The following ZBED1 variants were observed in gnomAD, a reference collection of about 807,000 sequenced individuals.
The protein encoded by ZBED1 is E3 SUMO-protein ligase ZBED1.
Under a neutral mutation model 49.7 loss-of-function variants are expected in ZBED1, and 19 were observed. The observed-to-expected ratio is 0.38, with a 90% CI of 0.27 to 0.56. The LOEUF (loss-of-function observed/expected upper bound fraction) is 0.56. Among genes scored for constraint, ZBED1 ranks in the 20% least tolerant of loss-of-function variants. The probability of loss-of-function intolerance (pLI) is 0.70; values close to 1 mark genes in which losing one functional copy is unlikely to be tolerated. For synonymous variants in ZBED1, 439 were observed against 440.3 expected (o/e 1.00, Z 0.04); for missense variants, 806 against 972.6 (o/e 0.83, Z 2.28).
chrX:2,497,138 G>C (rs530291393), intron 1 of ZBED1, among the ~76,000 whole-genome samples: 25 of 152,274 alleles, frequency 1.6e-4, no homozygotes, highest in African/African-American at 4.6e-4. Flanking sequence ...GCTCACCCCT[G>C]TAATCCCAGC....
chrX:2,491,594 T>C (rs1189759812), intron 1 of ZBED1, among the ~76,000 whole-genome samples: 1 of 152,188 alleles, frequency 6.6e-6, no homozygotes, highest in African/African-American at 2.4e-5. Flanking sequence ...AGGACCTCCA[T>C]CTGACTAAAG....
intron 1 of ZBED1, among the ~76,000 whole-genome samples, chrX:2,498,262 T>A (rs909005657): frequency 1.6e-4 from 24 of 152,282 alleles, no homozygotes; most frequent in African/African-American, 5.1e-4. Context: ...TTGCTTCCAA[T>A]CTGCAGTGGG....
At chrX:2,499,843 G>C (rs1408923281) in intron 1 of ZBED1, among the ~76,000 whole-genome samples, 1 of 151,910 alleles carries the variant, frequency 6.6e-6, no homozygotes, top group Non-Finnish European at 1.5e-5. Context: ...CCAGGAGTTC[G>C]AGACCAGCCT....
Position 2,488,413 on chromosome X carries a change from G to T in ZBED1, c.*222C>A. ...TGGTCTCGATCTCCTGACCTCAGCT[G>T]ATCTGCCCACCTCGGCCTCCCAAAG... On this transcript the variant is annotated 3_prime_UTR_variant, in exon 2 of 2. Transcript: ENST00000652001. 1.8e-6 allele frequency: 1 copy of T among 552,106 alleles called. No individual in the cohort carries two copies. Among genetic ancestry groups the T allele is most frequent in the Non-Finnish European group, 3.0e-6 (1 of 327,990 alleles). The allele number at this position is 552,106 out of a possible 1,614,324, so 34.2% of individuals were successfully genotyped here.
At position 2,489,732 on chromosome X, in the gene ZBED1, A is replaced by C. The variant is rs1461045387; in HGVS notation, c.988T>G (p.Tyr330Asp). Residue 330 changes from tyrosine to aspartate, a missense_variant, in exon 2 of 2, where the codon TAC (tyrosine) becomes GAC (aspartate). Physicochemically the swap from Tyr to Asp is radical, Grantham distance 160. This residue lies in a region of ZBED1 where 749 missense variants were observed against 861.3 expected (regional missense o/e 0.87). Transcript: ENST00000652001. ...EYFQQSAVAM[Y>D]MLYEKQKQQN... ...TGCTTCTGCTTCTCATAGAGCATGTACATGGCCACGGCAGACTGCTGGAAG... is the reference window on the plus strand; with the variant it reads ...TGCTTCTGCTTCTCATAGAGCATGTCCATGGCCACGGCAGACTGCTGGAAG... 14 of 1,613,228 alleles carry C rather than the reference A, an allele frequency of 8.7e-6. No individual in the cohort carries two copies. The South Asian group carries it at 1.4e-4, about 16-fold the overall frequency.
intron 1 of ZBED1, 147 bp from the exon 2 acceptor site, chrX:2,490,919 C>A: frequency 1.5e-6 from 1 of 677,926 alleles, no homozygotes; most frequent in Non-Finnish European, 2.5e-6. Context: ...TTGCGGGTCA[C>A]TTTTGCAGAG....
chrX:2,495,061 A>ATTC (rs960594827), intron 1 of ZBED1, among the ~76,000 whole-genome samples: 10 of 151,032 alleles, frequency 6.6e-5, no homozygotes, highest in Non-Finnish European at 1.5e-4. Context: ...TATTATTATT[A>ATTC]TTGTTATTAT....
At chrX:2,492,314 CAGG>C (rs374998627) in intron 1 of ZBED1, among the ~76,000 whole-genome samples, 99 of 152,136 alleles carry the variant, frequency 6.5e-4, no homozygotes, top group African/African-American at 2.3e-3. Context: ...CACGGACACA[CAGG>C]AGAAGACCAC....
intron 1 of ZBED1, among the ~76,000 whole-genome samples, chrX:2,493,496 A>C (rs1443641038): frequency 1.3e-5 from 2 of 151,514 alleles, no homozygotes; most frequent in Non-Finnish European, 2.9e-5. Flanking sequence ...TATGTGGCTG[A>C]AAGCGGTTCT....
intron 1 of ZBED1, among the ~76,000 whole-genome samples, chrX:2,491,692 C>CCGTG (rs1355941753): frequency 6.6e-6 from 1 of 152,198 alleles, no homozygotes. Context: ...ACAGGTGCAT[C>CCGTG]CGTGATCTGT....
Position 2,500,926 on chromosome X carries a change from G to T in ZBED1, c.-163C>A. The stretch of plus-strand genomic sequence containing the variant: ...CCCGCGCCGCAGACAATGGCGACAT[G>T]GCTGCCCCGGCCGCGCCGCCGCCGC... On this transcript the variant is annotated 5_prime_UTR_variant, in exon 1 of 2. Coordinates refer to ENST00000652001, the MANE Select transcript of ZBED1 (RefSeq NM_001171136.2). 9.3e-7 allele frequency: 1 copy of T among 1,073,262 alleles called. No individual in the cohort carries two copies. Among genetic ancestry groups the T allele is most frequent in the Non-Finnish European group, 1.1e-6 (1 of 887,776 alleles). The allele number at this position is 1,073,262 out of a possible 1,614,324, so 66.5% of individuals were successfully genotyped here.
chrX:2,489,429 T>C lies in ZBED1; in HGVS notation c.1291A>G (p.Asn431Asp). The C allele has an allele frequency of 6.2e-7, 1 of 1,613,788 alleles. No individual in the cohort carries two copies. Among genetic ancestry groups the C allele is most frequent in the Non-Finnish European group, 8.5e-7 (1 of 1,179,836 alleles). ...MVKPLLHMLL[N>D]TTLNIKETDS... ...GTCTCCTTGATGTTGAGCGTGGTGTTCAGGAGCATGTGCAGCAGCGGCTTC... is the reference window on the plus strand; with the variant it reads ...GTCTCCTTGATGTTGAGCGTGGTGTCCAGGAGCATGTGCAGCAGCGGCTTC... Residue 431 changes from asparagine (N) to aspartate (D), a missense_variant, in exon 2 of 2, where the codon AAC (asparagine) becomes GAC (aspartate). Asn to Asp is a conservative substitution (Grantham distance 23). Coordinates refer to ENST00000652001, the MANE Select transcript of ZBED1 (RefSeq NM_001171136.2).
At chrX:2,497,307 C>T (rs766150622) in intron 1 of ZBED1, among the ~76,000 whole-genome samples, 23 of 152,250 alleles carry the variant, frequency 1.5e-4, no homozygotes, top group South Asian at 8.3e-4. Flanking sequence ...GCAGGAGAAT[C>T]GCTTGAACCC....
At position 2,486,978 on chromosome X, in the gene ZBED1, G is replaced by A. The variant is rs1488455574; in HGVS notation, c.*1657C>T. The A allele has an allele frequency of 3.3e-5, 5 of 152,276 alleles. No homozygotes were observed. Among genetic ancestry groups the A allele is most frequent in the East Asian group, 3.9e-4 (2 of 5,176 alleles). The allele number at this position is 152,276 out of a possible 1,614,324, so 9.4% of individuals were successfully genotyped here. Reference sequence around the variant, plus strand: ...GCAGAACACTGCCTGGAGCTGAGTGGGGTCATCCCTCCTAGACACCGTTCT... The same window carrying A: ...GCAGAACACTGCCTGGAGCTGAGTGAGGTCATCCCTCCTAGACACCGTTCT... On this transcript the variant is annotated 3_prime_UTR_variant, in exon 2 of 2. Coordinates refer to ENST00000652001, the MANE Select transcript of ZBED1 (RefSeq NM_001171136.2).
intron 1 of ZBED1, among the ~76,000 whole-genome samples, chrX:2,493,331 C>A (rs778439997): frequency 3.4e-4 from 51 of 152,206 alleles, no homozygotes; most frequent in South Asian, 1.2e-3. Context: ...TCATCATCAT[C>A]ATATTATTAT....
At chrX:2,498,493 T>G (rs2045334824) in intron 1 of ZBED1, among the ~76,000 whole-genome samples, 1 of 152,166 alleles carries the variant, frequency 6.6e-6, no homozygotes, top group Non-Finnish European at 1.5e-5. Context: ...GGCAAGCCAC[T>G]TAAGTTAATC....
In ZBED1 at chrX:2,488,279, C is replaced by T. The variant is rs1408754779; in HGVS notation, c.*356G>A. 1.3e-5 allele frequency: 3 copies of T among 236,884 alleles called. No individual in the cohort carries two copies. The highest frequency in any genetic ancestry group is 2.2e-5 in the African/African-American group (1 of 44,460). 14.7% of individuals were successfully genotyped at this position (236,884 alleles called of 1,614,324 possible). On this transcript the variant is annotated 3_prime_UTR_variant, in exon 2 of 2. Transcript: ENST00000652001. ...GCAACCTCCACCTCCCAGGTTCAAGCGATTCTCTGGCCTCAGCCTCCAGAA... is the reference window on the plus strand; with the variant it reads ...GCAACCTCCACCTCCCAGGTTCAAGTGATTCTCTGGCCTCAGCCTCCAGAA...
chrX:2,490,576 G>A lies in ZBED1; in HGVS notation c.144C>T (p.Arg48=), dbSNP rs1204247735. Residue 48 remains arginine, a synonymous_variant, in exon 2 of 2, where the codon CGC becomes CGT. Transcript: ENST00000652001. ...AGTAGGCGATCTGGGCCATGCAGAT[G>A]CGGCAGTAGATTTTCTTCCACTGCA... The part of the protein sequence containing the change: ...CILQWKKIYC[R]ICMAQIAYSG... 1.2e-6 allele frequency: 2 copies of A among 1,613,996 alleles called. No homozygotes were observed. The highest frequency in any genetic ancestry group is 1.3e-5 in the African/African-American group (1 of 75,054).
In ZBED1 at chrX:2,488,681, C is replaced by G; in HGVS notation, c.2039G>C (p.Gly680Ala). 1 of 1,612,600 alleles carries G rather than the reference C, an allele frequency of 6.2e-7. No homozygotes were observed. Among genetic ancestry groups the G allele is most frequent in the South Asian group, 1.1e-5 (1 of 90,948 alleles). Residue 680 changes from glycine to alanine, a missense_variant, in exon 2 of 2, where the codon GGC (glycine) becomes GCC (alanine). Physicochemically the swap from Gly to Ala is moderately conservative, Grantham distance 60. Transcript: ENST00000652001. ...DQEQVFSLGD[G>A]VSGGFFGIRD... is the part of the protein sequence containing the mutation. ...AATGCCAAAGAAACCGCCGCTGACG[C>G]CATCCCCCAAGGAGAACACCTGCTC...
Sources: allele counts gnomAD v4.1 joint callset (sites outside exome capture counted in the v4.1 genomes callset), GRCh38; gene constraint gnomAD v4.1.1; regional missense constraint gnomAD v4.1.1; transcripts MANE v1.5; gene names NCBI Gene and HGNC (gene_info 2026-07-23, HGNC 2026-07-21).